KPNA3: variants seen among roughly 807,000 people sequenced by gnomAD.
The protein encoded by KPNA3 is karyopherin subunit alpha 3.
A neutral mutation model predicts 73.8 loss-of-function variants in KPNA3; 13 were observed. The observed-to-expected ratio is 0.18, with a 90% CI of 0.11 to 0.28. KPNA3 has a LOEUF of 0.28. Among genes scored for constraint, KPNA3 ranks in the 10% least tolerant of loss-of-function variants. The probability of loss-of-function intolerance (pLI) is 1.00; values close to 1 mark genes in which losing one functional copy is unlikely to be tolerated. For synonymous variants in KPNA3, 186 were observed against 206.9 expected (o/e 0.90, Z 0.87); for missense variants, 360 against 618.1 (o/e 0.58, Z 4.43).
chr13:49,737,550 A>C (rs558203142), intron 2 of KPNA3, among the ~76,000 whole-genome samples: 1 of 124,618 alleles, frequency 8.0e-6, no homozygotes, highest in African/African-American at 3.2e-5. Context: ...CTTACTATTA[A>C]GTGTGTGTGT....
At chr13:49,775,162 CAAAAAAAAAAAAAAAA>C (rs60494803) in intron 1 of KPNA3, among the ~76,000 whole-genome samples, 1 of 93,062 alleles carries the variant, frequency 1.1e-5, no homozygotes, top group African/African-American at 4.9e-5. Flanking sequence ...GACTCTGTCT[CAAAAAAAAAAAAAAAA>C]AAAAAAAAGA....
At chr13:49,720,689 G>A (rs926227103) in intron 9 of KPNA3, among the ~76,000 whole-genome samples, 4 of 142,822 alleles carry the variant, frequency 2.8e-5, no homozygotes, top group African/African-American at 1.1e-4. Context: ...CAAAGATTGT[G>A]CCACTGCACT....
At chr13:49,764,581 C>A (rs942331589) in intron 1 of KPNA3, among the ~76,000 whole-genome samples, 5 of 152,104 alleles carry the variant, frequency 3.3e-5, no homozygotes, top group Admixed American at 1.3e-4. Context: ...ATCCCAAGAT[C>A]CCTGTCTCCT....
intron 2 of KPNA3, among the ~76,000 whole-genome samples, chr13:49,735,920 T>C (rs535511990): frequency 6.6e-6 from 1 of 152,316 alleles, no homozygotes; most frequent in Admixed American, 6.5e-5. Flanking sequence ...AAGTACTTCC[T>C]TTTCATTCCC....
At chr13:49,775,812 A>T (rs1954893509) in intron 1 of KPNA3, among the ~76,000 whole-genome samples, 1 of 152,180 alleles carries the variant, frequency 6.6e-6, no homozygotes, top group Non-Finnish European at 1.5e-5. Flanking sequence ...ATATTGAAAA[A>T]AGAGTTTGTA....
chr13:49,733,626 G>C (rs2137556111), intron 2 of KPNA3, among the ~76,000 whole-genome samples: 1 of 152,230 alleles, frequency 6.6e-6, no homozygotes, highest in Admixed American at 6.5e-5. Context: ...ATTGTAGATT[G>C]TTTGCAAAAA....
At chr13:49,755,514 C>T (rs940630425) in intron 1 of KPNA3, among the ~76,000 whole-genome samples, 3 of 152,128 alleles carry the variant, frequency 2.0e-5, no homozygotes, top group African/African-American at 7.2e-5. Context: ...AAAATAATCC[C>T]AGCCAGGTGC....
At chr13:49,761,198 G>GTCCCTC (rs995522011) in intron 1 of KPNA3, among the ~76,000 whole-genome samples, 2 of 151,812 alleles carry the variant, frequency 1.3e-5, no homozygotes, top group African/African-American at 2.4e-5. Flanking sequence ...AGAGAAGAGG[G>GTCCCTC]TCCCTCTCCC....
At chr13:49,779,997 A>T (rs1954928149) in intron 1 of KPNA3, among the ~76,000 whole-genome samples, 1 of 152,074 alleles carries the variant, frequency 6.6e-6, no homozygotes, top group South Asian at 2.1e-4. Context: ...AGACTCCCTC[A>T]GTACCATTTT....
rs1371529640 is a variant in KPNA3, at chr13:49,733,800, C to A, written c.115-754G>T. ...TTTTCCTGAAATCACCTTGTGAACA[C>A]TGAGCCATGGAGAATAAGACTGTGT... On this transcript the variant is annotated intron_variant, in intron 2 of 16. Transcript: ENST00000261667. Among the ~76,000 whole-genome samples the A allele has an allele frequency of 2.0e-5, 3 of 152,324 alleles. No individual in the cohort carries two copies. The East Asian group carries it at 5.8e-4, about 29-fold the overall frequency.
intron 1 of KPNA3, among the ~76,000 whole-genome samples, chr13:49,771,138 AGAG>A (rs1954852063): frequency 6.6e-6 from 1 of 150,894 alleles, no homozygotes; most frequent in Non-Finnish European, 1.5e-5. Flanking sequence ...AAAAAAAAGA[AGAG>A]GAAGAGAAAA....
At chr13:49,791,876 G>T (rs773264589) in intron 1 of KPNA3, among the ~76,000 whole-genome samples, 5 of 152,136 alleles carry the variant, frequency 3.3e-5, no homozygotes, top group Admixed American at 1.3e-4. Context: ...CTCCCCCATC[G>T]ATCACCCTCA....
intron 1 of KPNA3, among the ~76,000 whole-genome samples, chr13:49,765,618 G>C (rs921965032): frequency 3.3e-5 from 5 of 152,122 alleles, no homozygotes; most frequent in Non-Finnish European, 5.9e-5. Context: ...TTACAGGCAT[G>C]AGCCACCGCG....
chr13:49,761,015 T>C (rs954314994), intron 1 of KPNA3, among the ~76,000 whole-genome samples: 12 of 152,190 alleles, frequency 7.9e-5, no homozygotes, highest in South Asian at 2.1e-4. Flanking sequence ...AAAGAATTCC[T>C]ATATTTTAAA....
In KPNA3 at chr13:49,722,275, T is replaced by G. The variant is rs996355596; in HGVS notation, c.557-151A>C. ...AGTGTTGTTTCTCCAGATTTTGATCTGGGGAACGTAAATTTAACCTACCAA... is the reference window on the plus strand; with the variant it reads ...AGTGTTGTTTCTCCAGATTTTGATCGGGGGAACGTAAATTTAACCTACCAA... On this transcript the variant is annotated intron_variant, in intron 8 of 16. Coordinates refer to ENST00000261667, the MANE Select transcript of KPNA3 (RefSeq NM_002267.4). 4.2e-6 allele frequency: 3 copies of G among 705,916 alleles called. No individual in the cohort carries two copies. In the African/African-American group the frequency reaches 5.4e-5, roughly 13 times the overall value. The allele number at this position is 705,916 out of a possible 1,614,324, so 43.7% of individuals were successfully genotyped here. A position where few individuals can be genotyped will look rare whatever the true frequency, so the allele number is the denominator to read the frequency against.
chr13:49,734,922 C>CATAT (rs200073617), intron 2 of KPNA3, among the ~76,000 whole-genome samples: 19 of 126,080 alleles, frequency 1.5e-4, no homozygotes, highest in African/African-American at 5.0e-4. Flanking sequence ...TATACACACA[C>CATAT]ATATATATAT....
chr13:49,724,011 A>C (rs1018030554), intron 7 of KPNA3, among the ~76,000 whole-genome samples: 1 of 152,144 alleles, frequency 6.6e-6, no homozygotes, highest in Non-Finnish European at 1.5e-5. Flanking sequence ...AGATTTGCCT[A>C]TTCTGGACAT....
At chr13:49,731,170 G>C (rs918051374) in intron 6 of KPNA3, among the ~76,000 whole-genome samples, 1 of 151,156 alleles carries the variant, frequency 6.6e-6, no homozygotes, top group African/African-American at 2.4e-5. Flanking sequence ...CACATTCCAG[G>C]CTCAAACGAT....
chr13:49,714,814 T>G (rs1954290913), intron 10 of KPNA3, among the ~76,000 whole-genome samples: 1 of 152,026 alleles, frequency 6.6e-6, no homozygotes, highest in Non-Finnish European at 1.5e-5. Context: ...TAATGTAAAT[T>G]ATTGCCTAAT....
Sources: gnomAD v4.1 joint callset for allele counts (sites outside exome capture counted in the v4.1 genomes callset) on GRCh38, gnomAD v4.1.1 for gene constraint, MANE v1.5 for transcripts, NCBI Gene and HGNC (gene_info 2026-07-23, HGNC 2026-07-21) for gene names.